Variants in GPR139 observed in about 807,000 individuals in gnomAD.
GPR139 encodes the protein G protein-coupled receptor 139.
Under a neutral mutation model 25.8 loss-of-function variants are expected in GPR139, and 12 were observed. That is an observed-to-expected ratio of 0.47 (90% CI 0.30 to 0.75). The LOEUF (loss-of-function observed/expected upper bound fraction) is 0.75, where lower values mean the gene tolerates loss of function less well. Among genes scored for constraint, GPR139 ranks in the 30% least tolerant of loss-of-function variants. The probability of loss-of-function intolerance (pLI) is 0.07; values close to 1 mark genes in which losing one functional copy is unlikely to be tolerated. For synonymous variants in GPR139, 184 were observed against 179.9 expected (o/e 1.02, Z -0.18); for missense variants, 380 against 450.2 (o/e 0.84, Z 1.41).
At position 20,030,755 on chromosome 16, in the gene GPR139, GA is replaced by G. The variant is rs2057285009; in HGVS notation, c.*979del. On this transcript the variant is annotated 3_prime_UTR_variant, in exon 2 of 2. Transcript: ENST00000570682. The stretch of plus-strand genomic sequence containing the variant: ...CGCAGAGCTGCAGTTCCTGACCCTT[GA>G]ATATTAAATTCAGTTCGGAAGTCAC... Among the ~76,000 whole-genome samples, 1 of 152,172 alleles carries G rather than the reference GA, an allele frequency of 6.6e-6. No homozygotes were observed. Among genetic ancestry groups the G allele is most frequent in the South Asian group, 2.1e-4 (1 of 4,824 alleles).
chr16:20,031,082 C>T lies in GPR139; in HGVS notation c.*653G>A, dbSNP rs2057285957. Among the ~76,000 whole-genome samples the T allele has an allele frequency of 6.6e-6, 1 of 152,028 alleles. No individual in the cohort carries two copies. Among genetic ancestry groups the T allele is most frequent in the South Asian group, 2.1e-4 (1 of 4,818 alleles). On this transcript the variant is annotated 3_prime_UTR_variant, in exon 2 of 2. Coordinates refer to ENST00000570682, the MANE Select transcript of GPR139 (RefSeq NM_001002911.4). ...GATAAATAGAAAACTGCCTTTTAGA[C>T]CCCAGGTTTGAGGTCACAGCTATGC...
chr16:20,071,121 C>G (rs1364442879), intron 1 of GPR139: 1 of 324,772 alleles, frequency 3.1e-6, no homozygotes, highest in African/African-American at 2.2e-5. Flanking sequence ...TACTTCTCAA[C>G]ACCACTCCAG....
chr16:20,041,540 C>G (rs759827438), intron 1 of GPR139, among the ~76,000 whole-genome samples: 5 of 151,950 alleles, frequency 3.3e-5, no homozygotes, highest in Non-Finnish European at 5.9e-5. Context: ...TTACCTGCCC[C>G]ACTCTGGACC....
chr16:20,029,864 A>G lies in GPR139; in HGVS notation c.*1871T>C, dbSNP rs2057281170. 6.6e-6 allele frequency among the ~76,000 whole-genome samples: 1 copy of G among 152,148 alleles called. No homozygotes were observed. The highest frequency in any genetic ancestry group is 1.5e-5 in the Non-Finnish European group (1 of 68,030). ...CTTGTCATCAACCAGAGAAACAGCAACTTGTTCCAATGCTAGAGAAAAACT... is the reference window on the plus strand; with the variant it reads ...CTTGTCATCAACCAGAGAAACAGCAGCTTGTTCCAATGCTAGAGAAAAACT... On this transcript the variant is annotated 3_prime_UTR_variant, in exon 2 of 2. Transcript: ENST00000570682.
At chr16:20,069,994 G>A (rs775846807) in intron 1 of GPR139, among the ~76,000 whole-genome samples, 26 of 152,178 alleles carry the variant, frequency 1.7e-4, no homozygotes, top group Non-Finnish European at 3.5e-4. Context: ...TTTAGGAATA[G>A]GTGGGACACC....
chr16:20,068,938 T>C (rs1283711986), intron 1 of GPR139, among the ~76,000 whole-genome samples: 1 of 152,130 alleles, frequency 6.6e-6, no homozygotes. Context: ...GATTTTCACA[T>C]GTCGAACCAG....
intron 1 of GPR139, among the ~76,000 whole-genome samples, chr16:20,040,277 T>C (rs1257300928): frequency 2.6e-5 from 4 of 152,176 alleles, no homozygotes; most frequent in Non-Finnish European, 5.9e-5. Flanking sequence ...TCGTAAATTG[T>C]TGCTCCTAGC....
At chr16:20,041,103 C>G (rs1459454946) in intron 1 of GPR139, among the ~76,000 whole-genome samples, 3 of 113,466 alleles carry the variant, frequency 2.6e-5, no homozygotes, top group Non-Finnish European at 3.3e-5. Context: ...GAGTGAGACT[C>G]TGACCCAGAA....
rs1249418791 is a variant in GPR139, at chr16:20,031,249, G to GA, written c.*485dup. Among the ~76,000 whole-genome samples, 1 of 152,002 alleles carries GA rather than the reference G, an allele frequency of 6.6e-6. No homozygotes were observed. Among genetic ancestry groups the GA allele is most frequent in the Non-Finnish European group, 1.5e-5 (1 of 67,990 alleles). ...CCCTCTCTAGGACAAAGGGCACCTT[G>GA]AAAAAAATCCTGAAATAGTCATTAT... On this transcript the variant is annotated 3_prime_UTR_variant, in exon 2 of 2. Coordinates refer to ENST00000570682, the MANE Select transcript of GPR139 (RefSeq NM_001002911.4).
intron 1 of GPR139, among the ~76,000 whole-genome samples, chr16:20,058,304 C>T (rs1488959675): frequency 6.6e-6 from 1 of 151,292 alleles, no homozygotes; most frequent in Admixed American, 6.6e-5. Flanking sequence ...GGAGATAAGA[C>T]AAATAATGTG....
At chr16:20,038,804 A>C (rs114773526) in intron 1 of GPR139, among the ~76,000 whole-genome samples, 1 of 152,212 alleles carries the variant, frequency 6.6e-6, no homozygotes, top group Non-Finnish European at 1.5e-5. Flanking sequence ...GACATTTGCT[A>C]TAACTCCCCA....
At chr16:20,047,558 CAAT>C (rs2057358548) in intron 1 of GPR139, among the ~76,000 whole-genome samples, 2 of 152,180 alleles carry the variant, frequency 1.3e-5, no homozygotes, top group Admixed American at 6.5e-5. Flanking sequence ...GAAGAAAAAA[CAAT>C]AACACGTGAC....
chr16:20,038,335 G>A (rs796546659), intron 1 of GPR139, among the ~76,000 whole-genome samples: 5,365 of 79,512 alleles, frequency 0.067, 186 homozygotes, highest in East Asian at 0.2. Context: ...ATATATGTGT[G>A]TGTGTGTGTG....
intron 1 of GPR139, among the ~76,000 whole-genome samples, chr16:20,037,867 T>C (rs1242299306): frequency 6.6e-6 from 1 of 152,156 alleles, no homozygotes; most frequent in Non-Finnish European, 1.5e-5. Flanking sequence ...ACCTCTTTTT[T>C]CCTTTTTGAT....
chr16:20,053,931 C>T (rs563375794), intron 1 of GPR139, among the ~76,000 whole-genome samples: 18 of 151,988 alleles, frequency 1.2e-4, no homozygotes, highest in Middle Eastern at 6.8e-3. Flanking sequence ...GGTTTTGAGA[C>T]GTGGAGTAAT....
intron 1 of GPR139, among the ~76,000 whole-genome samples, chr16:20,042,974 T>C (rs557662143): frequency 2.5e-4 from 38 of 152,304 alleles, no homozygotes; most frequent in Admixed American, 6.5e-4. Context: ...GAATTTGTCA[T>C]TGGGGTCCTG....
In GPR139 at chr16:20,031,746, C is replaced by G. The variant is rs756345987; in HGVS notation, c.1051G>C (p.Val351Leu). Residue 351 changes from valine (V) to leucine (L), a missense_variant, in exon 2 of 2, where the codon GTA (valine) becomes CTA (leucine). Coordinates refer to ENST00000570682, the MANE Select transcript of GPR139 (RefSeq NM_001002911.4). The part of the protein sequence containing the change: ...QYDKNGKPIK[V>L]SP ...CCACACCTATGGAATCACGGGGATA[C>G]TTTTATAGGTTTTCCATTTTTGTCA... The G allele has an allele frequency of 1.2e-6, 2 of 1,613,578 alleles. No individual in the cohort carries two copies. The highest frequency in any genetic ancestry group is 2.7e-5 in the African/African-American group (2 of 74,876).
Position 20,073,380 on chromosome 16 carries a change from T to G in GPR139, c.127+110A>C. 1 of 1,500,702 alleles carries G rather than the reference T, an allele frequency of 6.7e-7. No homozygotes were observed. Among genetic ancestry groups the G allele is most frequent in the Admixed American group, 2.0e-5 (1 of 49,086 alleles). 93.0% of individuals were successfully genotyped at this position (1,500,702 alleles called of 1,614,324 possible). On this transcript the variant is annotated intron_variant, in intron 1 of 1. Transcript: ENST00000570682. This position sits in a 1 kb window ranked among gnomAD's most constrained non-coding sequence, Gnocchi z 4.7. ...CCATAGTTGCCCTTAAAGCTTAAAC[T>G]TTTTCCGAGGGGGCGCCAGGGAACG...
chr16:20,047,202 C>T (rs1322042183), intron 1 of GPR139, among the ~76,000 whole-genome samples: 1 of 151,984 alleles, frequency 6.6e-6, no homozygotes, highest in Non-Finnish European at 1.5e-5. Flanking sequence ...GCTCCGTCTC[C>T]CAGGTTCAAG....
Sources: allele counts gnomAD v4.1 joint callset (sites outside exome capture counted in the v4.1 genomes callset), GRCh38; gene constraint gnomAD v4.1.1; non-coding constraint Gnocchi (gnomAD v3.1); transcripts MANE v1.5; gene names NCBI Gene and HGNC (gene_info 2026-07-23, HGNC 2026-07-21).